Variants in CDK6 observed in about 807,000 individuals in gnomAD.
CDK6 encodes cyclin dependent kinase 6.
CDK6 carries 6 observed loss-of-function variants against 37.1 expected under a neutral mutation model. That is an observed-to-expected ratio of 0.16 (90% CI 0.09 to 0.32). The LOEUF (loss-of-function observed/expected upper bound fraction) is 0.32, where lower values mean the gene tolerates loss of function less well. CDK6 is among the 10% of genes least tolerant of loss of function. CDK6 has a pLI of 1.00. For missense variants in CDK6, 224 were observed against 418.9 expected (o/e 0.53, Z 4.06); for synonymous variants, 160 against 161.3 (o/e 0.99, Z 0.06).
At chr7:92,635,028 C>T (rs777213167) in intron 5 of CDK6, among the ~76,000 whole-genome samples, 1 of 152,064 alleles carries the variant, frequency 6.6e-6, no homozygotes, top group African/African-American at 2.4e-5. Flanking sequence ...CCAAAAGCAC[C>T]GAGGATTAGT....
chr7:92,819,218 G>C (rs1801108633), intron 2 of CDK6, among the ~76,000 whole-genome samples: 2 of 151,942 alleles, frequency 1.3e-5, no homozygotes, highest in African/African-American at 4.8e-5. Flanking sequence ...CCATATAATG[G>C]AAAATGAACT....
Position 92,833,479 on chromosome 7 carries a change from C to G in CDK6, c.-156G>C. 1.7e-6 allele frequency: 1 copy of G among 582,466 alleles called. No homozygotes were observed. The highest frequency in any genetic ancestry group is 2.9e-6 in the Non-Finnish European group (1 of 339,408). 36.1% of individuals were successfully genotyped at this position (582,466 alleles called of 1,614,324 possible). On this transcript the variant is annotated 5_prime_UTR_variant, in exon 2 of 8. Transcript: ENST00000424848. This position sits in a 1 kb window ranked among gnomAD's most constrained non-coding sequence, Gnocchi z 6.1. Reference sequence around the variant, plus strand: ...TCAGGCGCTCGGGCGCTGGGGCTTTCGCCGCTGCAGAAGCTGGATGGAGAG... The same window carrying G: ...TCAGGCGCTCGGGCGCTGGGGCTTTGGCCGCTGCAGAAGCTGGATGGAGAG...
chr7:92,613,851 A>C lies in CDK6; in HGVS notation c.*1289T>G. 4.3e-6 allele frequency: 1 copy of C among 233,116 alleles called. No homozygotes were observed. The highest frequency in any genetic ancestry group is 6.0e-5 in the East Asian group (1 of 16,588). The allele number at this position is 233,116 out of a possible 1,614,324, so 14.4% of individuals were successfully genotyped here. On this transcript the variant is annotated 3_prime_UTR_variant, in exon 8 of 8. Coordinates refer to ENST00000424848, the MANE Select transcript of CDK6 (RefSeq NM_001145306.2). ...GTAGAAGGACTGCATTAGAGAACAT[A>C]TGTGACCCTGTTAGGTTTGCAGAAT...
chr7:92,806,007 T>C (rs1800715219), intron 2 of CDK6, among the ~76,000 whole-genome samples: 1 of 152,220 alleles, frequency 6.6e-6, no homozygotes, highest in Non-Finnish European at 1.5e-5. Context: ...GCAGTGATGG[T>C]TGCACAACAA....
chr7:92,822,335 C>T (rs183756256), intron 2 of CDK6, among the ~76,000 whole-genome samples: 180 of 152,222 alleles, frequency 1.2e-3, no homozygotes, highest in African/African-American at 4.2e-3. Context: ...TATTAAATAA[C>T]TCCTAATTCC....
At chr7:92,827,307 C>G (rs1263721240) in intron 2 of CDK6, among the ~76,000 whole-genome samples, 1 of 152,044 alleles carries the variant, frequency 6.6e-6, no homozygotes, top group African/African-American at 2.4e-5. Flanking sequence ...ATTTAAGTGG[C>G]TACTTAAATT....
intron 5 of CDK6, among the ~76,000 whole-genome samples, chr7:92,668,158 T>A (rs558650198): frequency 1.3e-5 from 2 of 152,368 alleles, no homozygotes; most frequent in South Asian, 4.1e-4. Context: ...CACAAATACT[T>A]ACCATTGTGT....
At chr7:92,648,043 A>G (rs1212301969) in intron 5 of CDK6, among the ~76,000 whole-genome samples, 1 of 152,194 alleles carries the variant, frequency 6.6e-6, no homozygotes, top group African/African-American at 2.4e-5. Flanking sequence ...ACTGACCATT[A>G]TAAAAGATTC....
Position 92,836,461 on chromosome 7 carries a change from A to C in CDK6, c.-368+17T>G, listed in dbSNP as rs2116050609. On this transcript the variant is annotated intron_variant, in intron 1 of 7. Coordinates refer to ENST00000424848, the MANE Select transcript of CDK6 (RefSeq NM_001145306.2). The stretch of plus-strand genomic sequence containing the variant: ...CCCCACCCCGCAGCCCACCCACCCG[A>C]GCGCACAGCTCCTCACCTGAGGGGC... The C allele has an allele frequency of 6.8e-6, 1 of 146,460 alleles. No homozygotes were observed. The highest frequency in any genetic ancestry group is 2.5e-5 in the African/African-American group (1 of 40,006). 9.1% of individuals were successfully genotyped at this position (146,460 alleles called of 1,614,324 possible).
At chr7:92,813,035 C>T (rs776690128) in intron 2 of CDK6, among the ~76,000 whole-genome samples, 1 of 152,278 alleles carries the variant, frequency 6.6e-6, no homozygotes, top group African/African-American at 2.4e-5. Flanking sequence ...AAATTCCCAG[C>T]CTTGGTCTGT....
intron 2 of CDK6, among the ~76,000 whole-genome samples, chr7:92,821,076 CA>C (rs1404206216): frequency 6.6e-6 from 1 of 152,120 alleles, no homozygotes; most frequent in Middle Eastern, 3.4e-3. Flanking sequence ...ATATAAACAA[CA>C]AAACGTGGCA....
At chr7:92,755,565 A>G (rs1046689470) in intron 3 of CDK6, among the ~76,000 whole-genome samples, 2 of 152,178 alleles carry the variant, frequency 1.3e-5, no homozygotes, top group Non-Finnish European at 2.9e-5. Flanking sequence ...TGTGGTGCGC[A>G]CAAACCAGGA....
chr7:92,720,579 G>A (rs903280942), intron 4 of CDK6, among the ~76,000 whole-genome samples: 7 of 152,064 alleles, frequency 4.6e-5, no homozygotes, highest in Admixed American at 4.6e-4. Flanking sequence ...ATCATAAATG[G>A]GAAGACAAGA....
intron 3 of CDK6, among the ~76,000 whole-genome samples, chr7:92,762,897 A>G (rs957593754): frequency 1.3e-5 from 2 of 152,140 alleles, no homozygotes; most frequent in Non-Finnish European, 1.5e-5. Flanking sequence ...GAGGATAGCT[A>G]TTTCCAGATT....
intron 2 of CDK6, among the ~76,000 whole-genome samples, chr7:92,820,807 G>A (rs1472292489): frequency 2.0e-5 from 3 of 152,026 alleles, no homozygotes; most frequent in African/African-American, 7.2e-5. Flanking sequence ...TAAATTTATG[G>A]AGACCATAAA....
chr7:92,825,652 G>A (rs897045985), intron 2 of CDK6, among the ~76,000 whole-genome samples: 1 of 152,112 alleles, frequency 6.6e-6, no homozygotes, highest in African/African-American at 2.4e-5. Flanking sequence ...ATCTTTTATA[G>A]AAATTATTAG....
At chr7:92,816,817 G>A (rs996566294) in intron 2 of CDK6, among the ~76,000 whole-genome samples, 8 of 151,830 alleles carry the variant, frequency 5.3e-5, no homozygotes, top group African/African-American at 1.9e-4. Context: ...CTATCTGTAT[G>A]TCAAGATAAA....
chr7:92,784,988 T>C lies in CDK6; in HGVS notation c.234-10157A>G, dbSNP rs181390437. ...TAAAATATTGCATTTACTAGTTAAT[T>C]AAAAAATCTTAACAACTGTATGAGA... On this transcript the variant is annotated intron_variant, in intron 2 of 7. Transcript: ENST00000424848. 5.9e-5 allele frequency among the ~76,000 whole-genome samples: 9 copies of C among 152,266 alleles called. No individual in the cohort carries two copies. The East Asian group carries it at 1.7e-3, about 29-fold the overall frequency.
intron 2 of CDK6, among the ~76,000 whole-genome samples, chr7:92,778,947 A>ATATATAT (rs1409140472): frequency 6.2e-5 from 8 of 128,888 alleles, no homozygotes; most frequent in South Asian, 2.5e-4. Context: ...ATATATATAT[A>ATATATAT]AGATATTATA....
Sources: allele counts gnomAD v4.1 joint callset (sites outside exome capture counted in the v4.1 genomes callset), GRCh38; gene constraint gnomAD v4.1.1; non-coding constraint Gnocchi (gnomAD v3.1); transcripts MANE v1.5; gene names NCBI Gene and HGNC (gene_info 2026-07-23, HGNC 2026-07-21).